The following EPHA4 variants were observed in gnomAD, a reference collection of about 807,000 sequenced individuals.
EPHA4 encodes EPH receptor A4.
A neutral mutation model predicts 108.3 loss-of-function variants in EPHA4; 19 were observed. The ratio of observed to expected loss-of-function variants is 0.18; its 90% CI spans 0.12 to 0.26. EPHA4 has a LOEUF of 0.26. Ranked by LOEUF, EPHA4 falls within the 10% of genes least tolerant of loss-of-function variation. The pLI, the probability that EPHA4 is intolerant of heterozygous loss-of-function variation, is 1.00. For synonymous variants in EPHA4, 449 were observed against 455.5 expected (o/e 0.99, Z 0.18); for missense variants, 917 against 1,254.0 (o/e 0.73, Z 4.06).
chr2:221,455,306 G>C (rs1195003874), intron 8 of EPHA4, among the ~76,000 whole-genome samples: 4 of 152,180 alleles, frequency 2.6e-5, no homozygotes, highest in Admixed American at 6.5e-5. Flanking sequence ...CCACTGGCTT[G>C]CTCTTCAGCT....
At chr2:221,510,097 T>C (rs1692781137) in intron 3 of EPHA4, among the ~76,000 whole-genome samples, 1 of 152,242 alleles carries the variant, frequency 6.6e-6, no homozygotes, top group African/African-American at 2.4e-5. Flanking sequence ...GAGGGGAAGA[T>C]GGAAATGACC....
intron 4 of EPHA4, among the ~76,000 whole-genome samples, chr2:221,499,717 TATATATATATATATATATATA>T (rs1692413910): frequency 2.3e-5 from 1 of 42,642 alleles, no homozygotes. Context: ...CTAAAACTAA[TATATATATATATATATATATA>T]TATATATATA....
At chr2:221,447,298 A>G (rs554496684) in intron 8 of EPHA4, among the ~76,000 whole-genome samples, 4 of 152,236 alleles carry the variant, frequency 2.6e-5, no homozygotes, top group Non-Finnish European at 4.4e-5. Flanking sequence ...CTCTTACAGA[A>G]AAAGAAACAC....
chr2:221,448,030 C>A (rs574944164), intron 8 of EPHA4, among the ~76,000 whole-genome samples: 1 of 151,830 alleles, frequency 6.6e-6, no homozygotes, highest in South Asian at 2.1e-4. Context: ...TTAGTAGAGC[C>A]AGGGTTTCAC....
At chr2:221,501,537 C>T (rs990517348) in intron 3 of EPHA4, among the ~76,000 whole-genome samples, 1 of 152,142 alleles carries the variant, frequency 6.6e-6, no homozygotes, top group Admixed American at 6.6e-5. Context: ...TTATCTCTAC[C>T]TTAGAAGTGA....
intron 3 of EPHA4, among the ~76,000 whole-genome samples, chr2:221,529,186 GA>G (rs1000095575): frequency 6.6e-6 from 1 of 150,862 alleles, no homozygotes; most frequent in East Asian, 2.0e-4. Context: ...CTTGACATCA[GA>G]AAAAAAAAGA....
intron 7 of EPHA4, among the ~76,000 whole-genome samples, chr2:221,455,930 C>G (rs1187203507): frequency 6.6e-6 from 1 of 152,168 alleles, no homozygotes; most frequent in Non-Finnish European, 1.5e-5. Context: ...ACTCTACTTT[C>G]TCTTCTGCTT....
At chr2:221,502,391 G>T (rs577051137) in intron 3 of EPHA4, 3 of 383,606 alleles carry the variant, frequency 7.8e-6, no homozygotes, top group African/African-American at 2.1e-5. Flanking sequence ...ATTCACTCTC[G>T]TTTCTTTTCA....
At chr2:221,421,013 T>C (rs1401628944) in intron 17 of EPHA4, among the ~76,000 whole-genome samples, 1 of 152,110 alleles carries the variant, frequency 6.6e-6, no homozygotes, top group Non-Finnish European at 1.5e-5. Context: ...AAATGCAAAC[T>C]AAGGGCCGGG....
In EPHA4 at chr2:221,452,024, G is replaced by C. The variant is rs190433687; in HGVS notation, c.1715+3523C>G. Among the ~76,000 whole-genome samples, 21 of 152,342 alleles carry C rather than the reference G, an allele frequency of 1.4e-4. No homozygotes were observed. In the East Asian group the frequency reaches 3.9e-3, roughly 28 times the overall value. ...AAAAATCTAGCAAGATACCAACTGT[G>C]AGCCTGAGGCTGCTTCCTCTTTCTT... is the stretch of plus-strand genomic sequence containing the variant. On this transcript the variant is annotated intron_variant, in intron 8 of 17. Transcript: ENST00000281821.
At chr2:221,553,725 A>G (rs1694226727) in intron 3 of EPHA4, among the ~76,000 whole-genome samples, 1 of 152,224 alleles carries the variant, frequency 6.6e-6, no homozygotes, top group African/African-American at 2.4e-5. Context: ...TTGCTTCTAA[A>G]TTGTTAGCTT....
At chr2:221,556,605 C>CTT (rs371629632) in intron 3 of EPHA4, among the ~76,000 whole-genome samples, 6,284 of 148,322 alleles carry the variant, frequency 0.042, 400 homozygotes, top group African/African-American at 0.15. Flanking sequence ...CCAGTCACTA[C>CTT]TTTTTTTTTT....
At position 221,572,286 on chromosome 2, in the gene EPHA4, C is replaced by G. The variant is rs760562682; in HGVS notation, c.-38G>C. On this transcript the variant is annotated 5_prime_UTR_variant, in exon 1 of 18. Coordinates refer to ENST00000281821, the MANE Select transcript of EPHA4 (RefSeq NM_004438.5). ...CCAACGCTGCTCCTGCCGCTTCTAT[C>G]CCAGTGGAATAAATGCTTAAGTTAG... is the stretch of plus-strand genomic sequence containing the variant. 2 of 1,548,806 alleles carry G rather than the reference C, an allele frequency of 1.3e-6. No homozygotes were observed. The highest frequency in any genetic ancestry group is 2.2e-5 in the South Asian group (2 of 89,692).
intron 5 of EPHA4, among the ~76,000 whole-genome samples, chr2:221,462,819 T>C (rs972443338): frequency 3.9e-5 from 6 of 152,238 alleles, no homozygotes; most frequent in African/African-American, 9.6e-5. Context: ...AAACTAGGCA[T>C]CACTGCACCT....
At chr2:221,534,658 T>A (rs1227642355) in intron 3 of EPHA4, among the ~76,000 whole-genome samples, 1 of 152,200 alleles carries the variant, frequency 6.6e-6, no homozygotes, top group African/African-American at 2.4e-5. Context: ...AAAGTCTCAA[T>A]AGTCAATAAC....
chr2:221,510,582 A>T (rs1435314871), intron 3 of EPHA4, among the ~76,000 whole-genome samples: 1 of 152,246 alleles, frequency 6.6e-6, no homozygotes, highest in Non-Finnish European at 1.5e-5. Context: ...AATGCAGTAT[A>T]ATCCCATAAA....
At chr2:221,488,632 CAGG>C (rs1692047060) in intron 4 of EPHA4, among the ~76,000 whole-genome samples, 1 of 152,136 alleles carries the variant, frequency 6.6e-6, no homozygotes, top group Admixed American at 6.5e-5. Flanking sequence ...ATTCAGTTGA[CAGG>C]AGTTTGACAG....
At chr2:221,550,819 A>G (rs1395008207) in intron 3 of EPHA4, among the ~76,000 whole-genome samples, 2 of 152,054 alleles carry the variant, frequency 1.3e-5, no homozygotes, top group African/African-American at 2.4e-5. Context: ...CTACAAATGC[A>G]AAGAGAGTTT....
At chr2:221,554,740 GATGT>G (rs568633343) in intron 3 of EPHA4, among the ~76,000 whole-genome samples, 319 of 152,250 alleles carry the variant, frequency 2.1e-3, no homozygotes, top group Admixed American at 3.6e-3. Context: ...TATGAAGATT[GATGT>G]ATTCGTTCAT....
Sources: allele counts gnomAD v4.1 joint callset (sites outside exome capture counted in the v4.1 genomes callset), GRCh38; gene constraint gnomAD v4.1.1; transcripts MANE v1.5; gene names NCBI Gene and HGNC (gene_info 2026-07-23, HGNC 2026-07-21).